PCDH9: variants seen among roughly 807,000 people sequenced by gnomAD.
The protein encoded by PCDH9 is protocadherin 9, also known as protocadherin-9.
PCDH9 carries 24 observed loss-of-function variants against 70.6 expected under a neutral mutation model. The observed-to-expected ratio is 0.34, with a 90% CI of 0.25 to 0.48. PCDH9 has a LOEUF of 0.48. Among genes scored for constraint, PCDH9 ranks in the 20% least tolerant of loss-of-function variants. The probability of loss-of-function intolerance (pLI) is 0.99; values close to 1 mark genes in which losing one functional copy is unlikely to be tolerated. For missense variants in PCDH9, 1,281 were observed against 1,503.6 expected (o/e 0.85, Z 2.45); for synonymous variants, 562 against 558.5 (o/e 1.01, Z -0.09).
At chr13:67,101,957 G>C (rs926470448) in intron 2 of PCDH9, among the ~76,000 whole-genome samples, 2 of 152,102 alleles carry the variant, frequency 1.3e-5, no homozygotes, top group Non-Finnish European at 2.9e-5. Flanking sequence ...AATCTCCCCA[G>C]TATACCAGTC....
chr13:66,441,441 A>G (rs530364909), intron 4 of PCDH9, among the ~76,000 whole-genome samples: 22 of 152,300 alleles, frequency 1.4e-4, no homozygotes, highest in Admixed American at 9.2e-4. Context: ...AAAATATATG[A>G]AAACAACTTT....
intron 3 of PCDH9, among the ~76,000 whole-genome samples, chr13:66,769,677 T>G (rs1594035113): frequency 6.6e-6 from 1 of 152,136 alleles, no homozygotes; most frequent in East Asian, 1.9e-4. Context: ...GCTGCTGTTT[T>G]TAAAAATGAT....
intron 2 of PCDH9, among the ~76,000 whole-genome samples, chr13:66,998,185 G>T (rs1434737106): frequency 6.6e-6 from 1 of 152,202 alleles, no homozygotes; most frequent in East Asian, 1.9e-4. Context: ...CAAGTGAGAA[G>T]AGAATGTGCC....
At chr13:66,994,706 G>A (rs1736043750) in intron 2 of PCDH9, among the ~76,000 whole-genome samples, 1 of 152,134 alleles carries the variant, frequency 6.6e-6, no homozygotes, top group African/African-American at 2.4e-5. Flanking sequence ...GCACAATTTT[G>A]TCATCTGATC....
chr13:66,379,276 T>G (rs1296287925), intron 4 of PCDH9, among the ~76,000 whole-genome samples: 4 of 152,098 alleles, frequency 2.6e-5, no homozygotes, highest in Admixed American at 2.6e-4. Context: ...TACAAACAGG[T>G]TTTTCGGAGT....
intron 3 of PCDH9, among the ~76,000 whole-genome samples, chr13:66,891,850 C>A (rs2082101724): frequency 6.7e-6 from 1 of 150,318 alleles, no homozygotes; most frequent in Non-Finnish European, 1.5e-5. Context: ...TTTTGGTTTG[C>A]TTTTTGTATC....
chr13:66,467,821 G>T (rs1254766939), intron 4 of PCDH9, among the ~76,000 whole-genome samples: 1 of 152,040 alleles, frequency 6.6e-6, no homozygotes, highest in African/African-American at 2.4e-5. Context: ...TCTTAAAATT[G>T]TATGATACTT....
At chr13:66,382,856 C>A (rs541810150) in intron 4 of PCDH9, among the ~76,000 whole-genome samples, 1 of 152,116 alleles carries the variant, frequency 6.6e-6, no homozygotes, top group East Asian at 1.9e-4. Context: ...CATGGTGAAA[C>A]TCTGTCACTA....
Position 66,904,827 on chromosome 13 carries a change from A to C in PCDH9, c.3037-1222T>G, listed in dbSNP as rs1264171578. ...CTGTCATTACATTTTGAAGATATAA[A>C]TTATCTCATTTATTTTTATTTGTTT... On this transcript the variant is annotated intron_variant, in intron 2 of 4. Coordinates refer to ENST00000377865, the MANE Select transcript of PCDH9 (RefSeq NM_203487.3). Among the ~76,000 whole-genome samples, 3 of 152,182 alleles carry C rather than the reference A, an allele frequency of 2.0e-5. No homozygotes were observed. In the East Asian group the frequency reaches 5.8e-4, roughly 29 times the overall value.
chr13:66,641,013 T>G (rs1392385270), intron 3 of PCDH9, among the ~76,000 whole-genome samples: 2 of 152,128 alleles, frequency 1.3e-5, no homozygotes, highest in Non-Finnish European at 2.9e-5. Flanking sequence ...GTAGTGGGAT[T>G]ACAGGTGCTT....
At chr13:67,038,434 T>C (rs1055794943) in intron 2 of PCDH9, among the ~76,000 whole-genome samples, 4 of 152,190 alleles carry the variant, frequency 2.6e-5, no homozygotes, top group African/African-American at 7.2e-5. Context: ...TACAGTCAAA[T>C]ATAAATATGT....
chr13:66,332,001 G>A (rs1411804840), intron 4 of PCDH9, among the ~76,000 whole-genome samples: 5 of 152,128 alleles, frequency 3.3e-5, no homozygotes, highest in Admixed American at 6.6e-5. Flanking sequence ...TGCAGATTGT[G>A]ATAAATGTTA....
chr13:66,616,042 G>A (rs2077351714), intron 4 of PCDH9, among the ~76,000 whole-genome samples: 1 of 152,212 alleles, frequency 6.6e-6, no homozygotes, highest in Non-Finnish European at 1.5e-5. Flanking sequence ...TTGACTTACA[G>A]AGCCGATAGA....
At chr13:67,139,508 G>A (rs926946156) in intron 2 of PCDH9, among the ~76,000 whole-genome samples, 24 of 152,110 alleles carry the variant, frequency 1.6e-4, no homozygotes, top group Non-Finnish European at 3.2e-4. Flanking sequence ...AAACCATTTA[G>A]GAACTTACTT....
intron 3 of PCDH9, among the ~76,000 whole-genome samples, chr13:66,877,687 C>G (rs1442623283): frequency 6.6e-6 from 1 of 152,122 alleles, no homozygotes; most frequent in African/African-American, 2.4e-5. Context: ...ACACCTTAGT[C>G]AAGGAACAAC....
chr13:66,456,883 G>A (rs1413046017), intron 4 of PCDH9, among the ~76,000 whole-genome samples: 1 of 152,016 alleles, frequency 6.6e-6, no homozygotes. Context: ...CATGGGCTTT[G>A]TTAAACCTTA....
At chr13:66,855,161 C>T (rs2081374683) in intron 3 of PCDH9, among the ~76,000 whole-genome samples, 1 of 151,976 alleles carries the variant, frequency 6.6e-6, no homozygotes, top group Admixed American at 6.6e-5. Context: ...ATTGTGCTAC[C>T]AATGCTAATG....
chr13:67,068,626 G>A (rs997436918), intron 2 of PCDH9, among the ~76,000 whole-genome samples: 5 of 152,232 alleles, frequency 3.3e-5, no homozygotes, highest in Admixed American at 3.3e-4. Context: ...CAATAACAGA[G>A]CACATGCGTT....
intron 4 of PCDH9, among the ~76,000 whole-genome samples, chr13:66,497,119 G>A (rs1321652108): frequency 6.6e-6 from 1 of 151,826 alleles, no homozygotes; most frequent in African/African-American, 2.4e-5. Flanking sequence ...CCAGGCTGAA[G>A]TGTAATGGCG....
Sources: gnomAD v4.1 joint callset for allele counts (sites outside exome capture counted in the v4.1 genomes callset) on GRCh38, gnomAD v4.1.1 for gene constraint, MANE v1.5 for transcripts, NCBI Gene and HGNC (gene_info 2026-07-23, HGNC 2026-07-21) for gene names.